Variants in PACRG observed in about 807,000 individuals in gnomAD.
PACRG encodes parkin coregulated.
PACRG carries 29 observed loss-of-function variants against 29.7 expected under a neutral mutation model. The observed-to-expected ratio is 0.98, with a 90% CI of 0.73 to 1.33. The LOEUF is 1.33. Among genes scored for constraint, PACRG ranks in the 40% most tolerant of loss-of-function variants. The probability of loss-of-function intolerance (pLI) is 0.00; values close to 1 mark genes in which losing one functional copy is unlikely to be tolerated. For synonymous variants in PACRG, 116 were observed against 118.7 expected, an observed-to-expected ratio of 0.98 and a Z score of 0.15; for missense variants, 279 against 316.2, an observed-to-expected ratio of 0.88 and a Z score of 0.89.
At chr6:163,238,139 G>A (rs952307447) in intron 4 of PACRG, among the ~76,000 whole-genome samples, 9 of 152,110 alleles carry the variant, frequency 5.9e-5, no homozygotes, top group Admixed American at 2.6e-4. Flanking sequence ...TGATGGTGTG[G>A]ACTAGCATCA....
chr6:163,076,919 T>C (rs143701731), intron 3 of PACRG, among the ~76,000 whole-genome samples: 1 of 152,290 alleles, frequency 6.6e-6, no homozygotes, highest in East Asian at 1.9e-4. Context: ...AACATAATGT[T>C]AGAAAGTAAT....
intron 2 of PACRG, among the ~76,000 whole-genome samples, chr6:162,911,805 A>T (rs1796321667): frequency 1.3e-5 from 2 of 152,196 alleles, no homozygotes; most frequent in Admixed American, 1.3e-4. Flanking sequence ...GGCTAGTGGC[A>T]GCTGAGCTTT....
At chr6:162,788,561 T>C (rs1784694363) in intron 1 of PACRG, among the ~76,000 whole-genome samples, 1 of 152,208 alleles carries the variant, frequency 6.6e-6, no homozygotes, top group African/African-American at 2.4e-5. Flanking sequence ...GGGAACAGTA[T>C]GTTTAGTTTT....
At chr6:162,991,974 C>G (rs1336008068) in intron 2 of PACRG, among the ~76,000 whole-genome samples, 2 of 123,556 alleles carry the variant, frequency 1.6e-5, no homozygotes, top group Non-Finnish European at 3.2e-5. Flanking sequence ...TGTCAAAGGC[C>G]TTTTCTGCAT....
At chr6:163,036,750 A>G (rs998406550) in intron 2 of PACRG, among the ~76,000 whole-genome samples, 13 of 152,174 alleles carry the variant, frequency 8.5e-5, no homozygotes, top group African/African-American at 2.9e-4. Context: ...TCCACACACT[A>G]AAGTAGAGGA....
chr6:162,846,359 C>T (rs539167329), intron 2 of PACRG, among the ~76,000 whole-genome samples: 44 of 152,302 alleles, frequency 2.9e-4, no homozygotes, highest in African/African-American at 1.0e-3. Context: ...ATTCTCATAG[C>T]CCCCACACTT....
At chr6:163,265,384 T>C (rs1179136029) in intron 4 of PACRG, among the ~76,000 whole-genome samples, 1 of 152,042 alleles carries the variant, frequency 6.6e-6, no homozygotes, top group Admixed American at 6.6e-5. Flanking sequence ...CGGGCTCCCT[T>C]CTTCTCCAGG....
At chr6:163,251,042 T>C (rs1782882641) in intron 4 of PACRG, among the ~76,000 whole-genome samples, 1 of 151,936 alleles carries the variant, frequency 6.6e-6, no homozygotes, top group East Asian at 1.9e-4. Context: ...TTCTCACTGA[T>C]ACATGGGAGC....
At chr6:162,758,564 G>T (rs2128288011) in intron 1 of PACRG, among the ~76,000 whole-genome samples, 1 of 152,202 alleles carries the variant, frequency 6.6e-6, no homozygotes, top group African/African-American at 2.4e-5. Flanking sequence ...TGGGTTTGTT[G>T]TGCATATTCA....
chr6:163,025,745 A>G (rs2128223943), intron 2 of PACRG, among the ~76,000 whole-genome samples: 1 of 152,374 alleles, frequency 6.6e-6, no homozygotes, highest in East Asian at 1.9e-4. Context: ...GTGGTTCCCA[A>G]CAGGATTCTG....
intron 4 of PACRG, chr6:163,245,292 G>A (rs1050202052): frequency 6.9e-5 from 16 of 231,326 alleles, no homozygotes; most frequent in East Asian, 5.7e-4. Flanking sequence ...GGAAACTATC[G>A]ATTCTATAAA....
intron 2 of PACRG, among the ~76,000 whole-genome samples, chr6:162,992,065 C>G (rs1040141935): frequency 2.8e-5 from 4 of 142,678 alleles, no homozygotes; most frequent in African/African-American, 1.2e-4. Flanking sequence ...TATATTGAAC[C>G]AGCCTTTCAT....
chr6:163,242,132 T>C (rs112393316), intron 4 of PACRG, among the ~76,000 whole-genome samples: 2 of 152,194 alleles, frequency 1.3e-5, no homozygotes, highest in African/African-American at 4.8e-5. Flanking sequence ...AACAAAAAAC[T>C]TGGGATCAAA....
At chr6:162,980,937 C>T (rs979127815) in intron 2 of PACRG, among the ~76,000 whole-genome samples, 3 of 152,088 alleles carry the variant, frequency 2.0e-5, no homozygotes, top group South Asian at 2.1e-4. Context: ...TGTTTGGTTG[C>T]ATGGAAAAGT....
At chr6:162,876,494 C>A (rs943892153) in intron 2 of PACRG, among the ~76,000 whole-genome samples, 1 of 152,098 alleles carries the variant, frequency 6.6e-6, no homozygotes, top group Non-Finnish European at 1.5e-5. Context: ...GTTTGATGGC[C>A]GCATAAATGC....
At chr6:163,096,516 GTTC>G (rs758774311) in intron 4 of PACRG, among the ~76,000 whole-genome samples, 3 of 131,464 alleles carry the variant, frequency 2.3e-5, no homozygotes, top group Non-Finnish European at 4.7e-5. Context: ...TCCGGCTGCA[GTTC>G]TTCTGGGTTC....
At chr6:162,727,771 G>A, upstream of PACRG, 2 of 1,232,322 alleles carry the variant, frequency 1.6e-6, no homozygotes, top group Non-Finnish European at 2.3e-6. Flanking sequence ...AATCCTCCAG[G>A]CCTCCCCGCC....
intron 2 of PACRG, among the ~76,000 whole-genome samples, chr6:162,976,319 G>C (rs1419818618): frequency 6.6e-6 from 1 of 152,190 alleles, no homozygotes; most frequent in Non-Finnish European, 1.5e-5. Context: ...GCAGCTGAAT[G>C]ATGCTGGCAG....
At chr6:163,185,545 G>T (rs1284095042) in intron 4 of PACRG, among the ~76,000 whole-genome samples, 3 of 152,120 alleles carry the variant, frequency 2.0e-5, no homozygotes, top group African/African-American at 7.2e-5. Flanking sequence ...GATAATCAAA[G>T]AATTCGTTAA....
Sources: gnomAD v4.1 joint callset for allele counts (sites outside exome capture counted in the v4.1 genomes callset) on GRCh38, gnomAD v4.1.1 for gene constraint, MANE v1.5 for transcripts, NCBI Gene and HGNC (gene_info 2026-07-23, HGNC 2026-07-21) for gene names.